The following TLN2 variants were observed in gnomAD, a reference collection of about 807,000 sequenced individuals.
TLN2 encodes the protein talin 2.
In TLN2, 118 loss-of-function variants were observed where a neutral mutation model predicts 294.7. That is an observed-to-expected ratio of 0.40 (90% confidence interval 0.34 to 0.47). TLN2 has a LOEUF of 0.47. Ranked by LOEUF, TLN2 falls within the 20% of genes least tolerant of loss-of-function variation. The probability of loss-of-function intolerance (pLI) is 0.84; values close to 1 mark genes in which losing one functional copy is unlikely to be tolerated. For synonymous variants in TLN2, 1,431 were observed against 1,304.5 expected (o/e 1.10, Z -2.09); for missense variants, 3,083 against 3,282.2 (o/e 0.94, Z 1.48).
At chr15:62,505,845 A>G (rs1053623210) in intron 1 of TLN2, among the ~76,000 whole-genome samples, 1 of 152,092 alleles carries the variant, frequency 6.6e-6, no homozygotes, top group Non-Finnish European at 1.5e-5. Context: ...CGGACGGGGA[A>G]GGGGAAGGGG....
At chr15:62,477,730 G>A (rs1395978205) in intron 1 of TLN2, among the ~76,000 whole-genome samples, 2 of 152,028 alleles carry the variant, frequency 1.3e-5, no homozygotes, top group Non-Finnish European at 2.9e-5. Flanking sequence ...GCAGTGAGAT[G>A]TTGAGAATGG....
intron 1 of TLN2, among the ~76,000 whole-genome samples, chr15:62,513,637 CA>C (rs2040041952): frequency 6.6e-6 from 1 of 152,160 alleles, no homozygotes; most frequent in Non-Finnish European, 1.5e-5. Flanking sequence ...TCTTCCCCTG[CA>C]GGGTGATAGT....
intron 1 of TLN2, among the ~76,000 whole-genome samples, chr15:62,518,427 G>A (rs940446673): frequency 3.3e-5 from 5 of 152,090 alleles, no homozygotes; most frequent in Non-Finnish European, 7.4e-5. Flanking sequence ...AATAGACATG[G>A]GTTCAGATTT....
At chr15:62,466,299 C>T (rs568784436) in intron 1 of TLN2, among the ~76,000 whole-genome samples, 1 of 152,214 alleles carries the variant, frequency 6.6e-6, no homozygotes, top group African/African-American at 2.4e-5. Flanking sequence ...AACTAGGACT[C>T]GTGACTTTGT....
intron 1 of TLN2, among the ~76,000 whole-genome samples, chr15:62,587,241 CATTG>C (rs2140719908): frequency 6.6e-6 from 1 of 152,274 alleles, no homozygotes; most frequent in South Asian, 2.1e-4. Context: ...GGAGAGTGGA[CATTG>C]ATATCGTGTA....
intron 1 of TLN2, among the ~76,000 whole-genome samples, chr15:62,500,740 T>C (rs17271779): frequency 0.088 from 13,404 of 152,336 alleles, 772 homozygotes; most frequent in Non-Finnish European, 0.12. Flanking sequence ...AATGTGAAAT[T>C]CCTTCTTGAG....
chr15:62,460,846 T>G (rs4558365), intron 1 of TLN2, among the ~76,000 whole-genome samples: 1 of 151,964 alleles, frequency 6.6e-6, no homozygotes, highest in Non-Finnish European at 1.5e-5. Flanking sequence ...GGAAATAACC[T>G]GATCAGTATT....
chr15:62,770,877 C>A, intron 41 of TLN2, 87 bp from the exon 42 acceptor site: 2 of 1,494,224 alleles, frequency 1.3e-6, no homozygotes, highest in South Asian at 1.4e-5. Context: ...CAGTCCTGTT[C>A]CCCTCCCGCG....
intron 14 of TLN2, among the ~76,000 whole-genome samples, chr15:62,696,429 G>C (rs2058340682): frequency 6.6e-6 from 1 of 152,212 alleles, no homozygotes; most frequent in African/African-American, 2.4e-5. Context: ...TTTTTTGGCT[G>C]GGCACTGTGG....
chr15:62,490,104 G>C (rs141125033), intron 1 of TLN2, among the ~76,000 whole-genome samples: 64 of 152,288 alleles, frequency 4.2e-4, no homozygotes, highest in African/African-American at 1.4e-3. Context: ...AGTGATTTTA[G>C]CATATTCGTA....
chr15:62,506,156 A>G (rs2039609956), intron 1 of TLN2, among the ~76,000 whole-genome samples: 1 of 152,298 alleles, frequency 6.6e-6, no homozygotes, highest in South Asian at 2.1e-4. Context: ...GCCCAGCACA[A>G]ATCTAGGAAA....
At chr15:62,770,541 A>G (rs1012291117) in intron 41 of TLN2, among the ~76,000 whole-genome samples, 1 of 152,216 alleles carries the variant, frequency 6.6e-6, no homozygotes, top group Non-Finnish European at 1.5e-5. Context: ...TTGGCTTCCT[A>G]CAAAGCTTTT....
intron 3 of TLN2, among the ~76,000 whole-genome samples, chr15:62,627,814 G>A (rs542465901): frequency 6.8e-6 from 1 of 147,078 alleles, no homozygotes; most frequent in East Asian, 2.0e-4. Flanking sequence ...AAAACTTCCA[G>A]AATTAGTGAT....
chr15:62,683,967 C>T (rs1054121265), intron 11 of TLN2: 34 of 152,316 alleles, frequency 2.2e-4, no homozygotes, highest in African/African-American at 8.0e-4. Context: ...AGATCTCAGC[C>T]ATTTGCTACT....
intron 1 of TLN2, among the ~76,000 whole-genome samples, chr15:62,479,251 A>G (rs11630237): frequency 0.15 from 23,456 of 152,134 alleles, 1,848 homozygotes; most frequent in Non-Finnish European, 0.18. Flanking sequence ...TCATATAGGC[A>G]TCAAGGACTG....
intron 2 of TLN2, among the ~76,000 whole-genome samples, chr15:62,600,461 AGCAGTTG>A (rs1488566159): frequency 1.3e-5 from 2 of 152,154 alleles, no homozygotes; most frequent in Admixed American, 1.3e-4. Context: ...CCTGCTGCTA[AGCAGTTG>A]GCCCCTGTGT....
intron 40 of TLN2, among the ~76,000 whole-genome samples, chr15:62,765,445 G>A (rs2062938261): frequency 6.6e-6 from 1 of 152,114 alleles, no homozygotes; most frequent in African/African-American, 2.4e-5. Context: ...AGTAGTGAAG[G>A]CTAGAGTCTC....
chr15:62,483,710 C>T (rs1567017378), intron 1 of TLN2, among the ~76,000 whole-genome samples: 2 of 152,170 alleles, frequency 1.3e-5, no homozygotes, highest in African/African-American at 4.8e-5. Context: ...TTGATAAAAG[C>T]TATGAGTCTT....
intron 1 of TLN2, among the ~76,000 whole-genome samples, chr15:62,452,210 A>T (rs534148765): frequency 6.6e-6 from 1 of 152,294 alleles, no homozygotes; most frequent in Non-Finnish European, 1.5e-5. Context: ...CTAGACAGAC[A>T]GGAGCCAGGA....
Sources: gnomAD v4.1 joint callset for allele counts (sites outside exome capture counted in the v4.1 genomes callset) on GRCh38, gnomAD v4.1.1 for gene constraint, MANE v1.5 for transcripts, NCBI Gene and HGNC (gene_info 2026-07-23, HGNC 2026-07-21) for gene names.